ADAMTSL1: variants seen among roughly 807,000 people sequenced by gnomAD.
The protein encoded by ADAMTSL1 is ADAMTS like 1, also known as ADAMTS-like protein 1.
A neutral mutation model predicts 201.8 loss-of-function variants in ADAMTSL1; 126 were observed. That is an observed-to-expected ratio of 0.62 (90% CI 0.54 to 0.72). The LOEUF (loss-of-function observed/expected upper bound fraction) is 0.72. ADAMTSL1 is among the 30% of genes least tolerant of loss of function. ADAMTSL1 has a pLI of 0.00. For missense variants in ADAMTSL1, 2,679 were observed against 2,277.8 expected (o/e 1.18, Z -3.59); for synonymous variants, 1,121 against 903.4 (o/e 1.24, Z -4.32).
rs546192784 is a variant in ADAMTSL1, at chr9:18,709,378, C to T, written c.1876+2330C>T. 3.2e-4 allele frequency among the ~76,000 whole-genome samples: 48 copies of T among 152,208 alleles called. 1 individual carries two copies. Among genetic ancestry groups the T allele is most frequent in the African/African-American group, 9.9e-4 (41 of 41,550 alleles). On this transcript the variant is annotated intron_variant, in intron 14 of 28. Transcript: ENST00000380548. ...TTTTAATTATTTCTTCTGAAGCCAA[C>T]CAAAAATCTGCAGGATTAACAAATA...
At chr9:18,576,862 ACAT>A (rs1273292633) in intron 4 of ADAMTSL1, among the ~76,000 whole-genome samples, 8 of 152,028 alleles carry the variant, frequency 5.3e-5, no homozygotes, top group Non-Finnish European at 8.8e-5. Context: ...TGCATGTTAG[ACAT>A]CATTATCCTT....
intron 7 of ADAMTSL1, among the ~76,000 whole-genome samples, chr9:18,648,467 A>G (rs1353481503): frequency 1.3e-5 from 2 of 152,034 alleles, no homozygotes; most frequent in Non-Finnish European, 2.9e-5. Flanking sequence ...TAGTTGATGC[A>G]GTTTCTTCCT....
At chr9:18,580,716 T>G (rs2132409062) in intron 4 of ADAMTSL1, among the ~76,000 whole-genome samples, 1 of 152,308 alleles carries the variant, frequency 6.6e-6, no homozygotes, top group Admixed American at 6.5e-5. Context: ...TGTGAAAAAC[T>G]TTTAAAAATA....
At chr9:18,844,474 C>T (rs985421615) in intron 23 of ADAMTSL1, among the ~76,000 whole-genome samples, 3 of 152,160 alleles carry the variant, frequency 2.0e-5, no homozygotes, top group Non-Finnish European at 2.9e-5. Flanking sequence ...TTAGGCTGCT[C>T]GGGGGTCAGG....
At chr9:18,896,002 CAGGCAGCAGAAAGA>C (rs1829613376) in intron 26 of ADAMTSL1, among the ~76,000 whole-genome samples, 3 of 152,158 alleles carry the variant, frequency 2.0e-5, no homozygotes, top group Admixed American at 2.0e-4. Flanking sequence ...GCAGATTTCG[CAGGCAGCAGAAAGA>C]ATTTTCAAAC....
At chr9:18,479,515 C>T (rs977096290) in intron 1 of ADAMTSL1, among the ~76,000 whole-genome samples, 4 of 152,206 alleles carry the variant, frequency 2.6e-5, no homozygotes, top group African/African-American at 9.6e-5. Context: ...CCATATATAG[C>T]TATGTGTACA....
chr9:18,529,845 A>G (rs1399067400), intron 2 of ADAMTSL1, among the ~76,000 whole-genome samples: 1 of 152,178 alleles, frequency 6.6e-6, no homozygotes, highest in Non-Finnish European at 1.5e-5. Context: ...ATTACCTGCA[A>G]ATCCATATTA....
intron 2 of ADAMTSL1, among the ~76,000 whole-genome samples, chr9:18,446,997 T>A (rs1313924781): frequency 3.3e-5 from 5 of 152,100 alleles, no homozygotes; most frequent in Admixed American, 2.6e-4. Context: ...AAAACTTTCC[T>A]TGTGCTGGAA....
At chr9:18,017,485 C>G (rs149698669) in intron 1 of ADAMTSL1, among the ~76,000 whole-genome samples, 6 of 152,052 alleles carry the variant, frequency 3.9e-5, no homozygotes, top group African/African-American at 1.4e-4. Flanking sequence ...GATAGACCAT[C>G]AAGGAAATTA....
chr9:18,443,051 C>A (rs943266199), intron 2 of ADAMTSL1, among the ~76,000 whole-genome samples: 1 of 152,136 alleles, frequency 6.6e-6, no homozygotes, highest in Non-Finnish European at 1.5e-5. Flanking sequence ...TTTGCCATTG[C>A]CACTGACATC....
Position 18,491,158 on chromosome 9 carries a change from G to A in ADAMTSL1, c.64-13671G>A, listed in dbSNP as rs138927364. ...AGACAGAGAGGCTGTGAGGCAAATGGGGTAGTAAACCATGATTTAGCACCT... is the reference window on the plus strand; with the variant it reads ...AGACAGAGAGGCTGTGAGGCAAATGAGGTAGTAAACCATGATTTAGCACCT... On this transcript the variant is annotated intron_variant, in intron 1 of 28. Transcript: ENST00000380548. Among the ~76,000 whole-genome samples the A allele has an allele frequency of 2.1e-3, 317 of 152,234 alleles. 1 individual carries two copies. The highest frequency in any genetic ancestry group is 7.3e-3 in the African/African-American group (303 of 41,546).
chr9:17,983,060 C>CTT (rs1818779278), intron 1 of ADAMTSL1, among the ~76,000 whole-genome samples: 6 of 57,908 alleles, frequency 1.0e-4, no homozygotes, highest in Admixed American at 2.5e-4. Context: ...TTTTTCTTTT[C>CTT]TTTCTTTCTT....
At chr9:18,627,417 T>C (rs1222081614) in intron 5 of ADAMTSL1, among the ~76,000 whole-genome samples, 3 of 152,228 alleles carry the variant, frequency 2.0e-5, no homozygotes, top group East Asian at 3.8e-4. Context: ...TGTAACTAAT[T>C]ACCACAGACT....
chr9:18,107,393 G>A (rs890891139), intron 1 of ADAMTSL1, among the ~76,000 whole-genome samples: 2 of 152,134 alleles, frequency 1.3e-5, no homozygotes, highest in African/African-American at 4.8e-5. Context: ...TGCAGCAGAA[G>A]CATTTCCTTG....
intron 1 of ADAMTSL1, among the ~76,000 whole-genome samples, chr9:18,135,167 A>G (rs1006165343): frequency 6.6e-6 from 1 of 152,224 alleles, no homozygotes; most frequent in African/African-American, 2.4e-5. Flanking sequence ...CTGCATGTAT[A>G]ACTCCATATG....
At position 18,329,163 on chromosome 9, in the gene ADAMTSL1, C is replaced by T. The variant is rs1016933385; in HGVS notation, c.207+165182C>T. Among the ~76,000 whole-genome samples the T allele has an allele frequency of 2.6e-5, 4 of 152,176 alleles. No individual in the cohort carries two copies. In the South Asian group the frequency reaches 6.2e-4, roughly 24 times the overall value. ...GAGACCACAGAGAGCTCCTTTGCCC[C>T]TTCTACCCGTGAGGACACAGTGAGA... is the stretch of plus-strand genomic sequence containing the variant. On this transcript the variant is annotated intron_variant, in intron 2 of 29. Coordinates refer to the ADAMTSL1 transcript ENST00000680146.
chr9:18,538,251 T>C (rs539090825), intron 3 of ADAMTSL1, among the ~76,000 whole-genome samples: 1 of 152,250 alleles, frequency 6.6e-6, no homozygotes, highest in Admixed American at 6.5e-5. Context: ...AGAATGGCTT[T>C]TCCTAAGTTA....
chr9:18,852,406 T>A (rs1345094093), intron 23 of ADAMTSL1, among the ~76,000 whole-genome samples: 1 of 152,202 alleles, frequency 6.6e-6, no homozygotes, highest in East Asian at 1.9e-4. Context: ...TAGTACTTGC[T>A]CTTGCCCCTG....
At chr9:18,595,680 C>G (rs1386897290) in intron 4 of ADAMTSL1, among the ~76,000 whole-genome samples, 1 of 152,228 alleles carries the variant, frequency 6.6e-6, no homozygotes, top group African/African-American at 2.4e-5. Context: ...ATTTCGGGTC[C>G]ACTGCCAAGG....
Sources: allele counts gnomAD v4.1 joint callset (sites outside exome capture counted in the v4.1 genomes callset), GRCh38; gene constraint gnomAD v4.1.1; transcripts MANE v1.5; gene names NCBI Gene and HGNC (gene_info 2026-07-23, HGNC 2026-07-21).